LRRC49: variants seen among roughly 807,000 people sequenced by gnomAD.
LRRC49 encodes the protein leucine-rich repeat-containing protein 49.
Under a neutral mutation model 83.3 loss-of-function variants are expected in LRRC49, and 50 were observed. That is an observed-to-expected ratio of 0.60 (90% confidence interval 0.48 to 0.76). LRRC49 has a LOEUF of 0.76. LRRC49 is among the 30% of genes least tolerant of loss of function. The pLI is 0.00. For missense variants in LRRC49, 704 were observed against 809.1 expected (o/e 0.87, Z 1.58); for synonymous variants, 286 against 283.3 (o/e 1.01, Z -0.10).
chr15:70,913,163 G>C (rs754669374), intron 6 of LRRC49, among the ~76,000 whole-genome samples: 24 of 152,162 alleles, frequency 1.6e-4, no homozygotes, highest in Non-Finnish European at 3.4e-4. Flanking sequence ...TACATCCTGG[G>C]ATGATCGGGG....
intron 5 of LRRC49, among the ~76,000 whole-genome samples, chr15:70,908,940 C>T (rs766691503): frequency 5.7e-4 from 87 of 152,118 alleles, no homozygotes; most frequent in Non-Finnish European, 4.6e-4. Context: ...TGATTAGAAG[C>T]AAGATGGAGT....
intron 8 of LRRC49, among the ~76,000 whole-genome samples, chr15:70,940,208 AT>A (rs1652245545): frequency 6.7e-6 from 1 of 149,490 alleles, no homozygotes; most frequent in Non-Finnish European, 1.5e-5. Context: ...ACTAGTTGGT[AT>A]TTTAAGGAGG....
At chr15:70,908,268 G>A (rs2034402055) in intron 5 of LRRC49, among the ~76,000 whole-genome samples, 1 of 152,228 alleles carries the variant, frequency 6.6e-6, no homozygotes, top group Non-Finnish European at 1.5e-5. Context: ...TGAGACAGCA[G>A]GTGTTGCAAC....
At chr15:70,873,066 G>T in exon 2 of LRRC49, 2 of 669,970 alleles carry the variant, frequency 3.0e-6, no homozygotes, top group South Asian at 1.6e-5. Context: ...TGTATTTTTA[G>T]TAGAGGCGGG....
At chr15:70,912,721 GGCTGGAGT>G (rs1361308150) in intron 6 of LRRC49, among the ~76,000 whole-genome samples, 3 of 151,848 alleles carry the variant, frequency 2.0e-5, no homozygotes, top group Non-Finnish European at 4.4e-5. Flanking sequence ...CTGTCGCCCA[GGCTGGAGT>G]GCAGTGGTGC....
intron 9 of LRRC49, among the ~76,000 whole-genome samples, chr15:70,978,829 A>G (rs1194967619): frequency 6.6e-6 from 1 of 152,150 alleles, no homozygotes; most frequent in African/African-American, 2.4e-5. Context: ...GTGATACTAA[A>G]ACATATAGAA....
At chr15:70,975,527 C>T (rs977260072) in intron 9 of LRRC49, among the ~76,000 whole-genome samples, 2 of 151,930 alleles carry the variant, frequency 1.3e-5, no homozygotes, top group Non-Finnish European at 2.9e-5. Flanking sequence ...CCTGTCTCTA[C>T]AAAAAATACA....
intron 14 of LRRC49, among the ~76,000 whole-genome samples, chr15:71,018,311 ATGTC>A (rs1477878487): frequency 6.6e-6 from 1 of 152,174 alleles, no homozygotes; most frequent in Non-Finnish European, 1.5e-5. Flanking sequence ...GTTTTATTCT[ATGTC>A]TGTACGGTTT....
intron 1 of LRRC49, chr15:70,853,960 G>A: frequency 2.1e-6 from 3 of 1,454,244 alleles, no homozygotes; most frequent in Non-Finnish European, 2.7e-6. Context: ...CCGGGTCCCC[G>A]GCGCCCCGAG....
At chr15:70,903,982 G>T (rs541656922) in intron 4 of LRRC49, among the ~76,000 whole-genome samples, 35 of 152,148 alleles carry the variant, frequency 2.3e-4, no homozygotes, top group African/African-American at 8.4e-4. Flanking sequence ...CTAAGGAAAT[G>T]TTAAGTAAGG....
intron 14 of LRRC49, among the ~76,000 whole-genome samples, chr15:71,022,029 A>G (rs1021688711): frequency 2.6e-5 from 4 of 152,186 alleles, no homozygotes; most frequent in Non-Finnish European, 4.4e-5. Flanking sequence ...CATCAATGTA[A>G]TGAATCCACC....
rs1567118965 is a variant in LRRC49 at position 71,051,829 on chromosome 15, T to C, written c.*2217T>C. On this transcript the variant is annotated 3_prime_UTR_variant, in exon 16 of 16. Transcript: ENST00000260382. ...CACTGCTGGCTCTATGCAGACCTGC[T>C]TCAGGCCTGGTAATAGGGTCTCTCT... 1 of 152,262 alleles carries C rather than the reference T, an allele frequency of 6.6e-6. No homozygotes were observed. 9.4% of individuals were successfully genotyped at this position (152,262 alleles called of 1,614,324 possible).
At chr15:70,900,301 G>A (rs1032046094) in intron 3 of LRRC49, 1 of 372,376 alleles carries the variant, frequency 2.7e-6, no homozygotes, top group Admixed American at 3.4e-5. Flanking sequence ...ACTACGGTAT[G>A]CTAGATTTAC....
intron 15 of LRRC49, among the ~76,000 whole-genome samples, chr15:71,046,344 C>T (rs1240417899): frequency 1.3e-5 from 2 of 152,180 alleles, no homozygotes; most frequent in South Asian, 2.1e-4. Context: ...TCCTTTTTCT[C>T]CACAGCCTCG....
intron 2 of LRRC49, chr15:70,873,269 C>T: frequency 6.6e-7 from 1 of 1,520,476 alleles, no homozygotes; most frequent in Non-Finnish European, 8.8e-7. Context: ...AACAATTATA[C>T]TCTGCTATCC....
chr15:70,981,224 C>T (rs2037384356), intron 10 of LRRC49, among the ~76,000 whole-genome samples: 1 of 151,866 alleles, frequency 6.6e-6, no homozygotes, highest in Admixed American at 6.6e-5. Context: ...GATGGACATT[C>T]TCAGCAAACT....
chr15:70,965,547 A>G (rs533197778), intron 9 of LRRC49, among the ~76,000 whole-genome samples: 1 of 151,946 alleles, frequency 6.6e-6, no homozygotes, highest in African/African-American at 2.4e-5. Context: ...ATTACAGGTT[A>G]GTTTTTTTGT....
chr15:70,921,360 G>C (rs1172929748), intron 7 of LRRC49, among the ~76,000 whole-genome samples: 1 of 151,962 alleles, frequency 6.6e-6, no homozygotes, highest in African/African-American at 2.4e-5. Flanking sequence ...ACCCTTTTTT[G>C]ACAAATACTC....
chr15:70,946,004 G>GAT (rs555190987), intron 8 of LRRC49, among the ~76,000 whole-genome samples: 1,547 of 151,384 alleles, frequency 0.01, 8 homozygotes, highest in Middle Eastern at 0.017. Context: ...ATAATGTTTT[G>GAT]ATATATATAT....
Sources: allele counts gnomAD v4.1 joint callset (sites outside exome capture counted in the v4.1 genomes callset), GRCh38; gene constraint gnomAD v4.1.1; transcripts MANE v1.5; gene names NCBI Gene and HGNC (gene_info 2026-07-23, HGNC 2026-07-21).